The following PERP variants were observed in gnomAD, a reference collection of about 807,000 sequenced individuals.
PERP encodes the protein p53 apoptosis effector related to PMP22.
PERP carries 11 observed loss-of-function variants against 20.3 expected under a neutral mutation model. The observed-to-expected ratio is 0.54, with a 90% CI of 0.34 to 0.90. The LOEUF (loss-of-function observed/expected upper bound fraction) is 0.90. Ranked by LOEUF, PERP falls within the 40% of genes least tolerant of loss-of-function variation. The pLI, the probability that PERP is intolerant of heterozygous loss-of-function variation, is 0.02. For missense variants in PERP, 224 were observed against 249.4 expected (o/e 0.90, Z 0.69); for synonymous variants, 101 against 102.0 (o/e 0.99, Z 0.06).
chr6:138,102,475 C>G (rs756751482), intron 1 of PERP, among the ~76,000 whole-genome samples: 6 of 152,168 alleles, frequency 3.9e-5, no homozygotes, highest in African/African-American at 1.2e-4. Context: ...GAAGCTTAGT[C>G]AGGGGTGCTA....
intron 1 of PERP, 85 bp from the exon 2 acceptor site, chr6:138,096,579 G>C: frequency 7.0e-7 from 1 of 1,431,548 alleles, no homozygotes; most frequent in Non-Finnish European, 9.3e-7. Context: ...ATGGTTTTGG[G>C]CTTTTTTTCC....
chr6:138,102,055 C>G (rs773266590), intron 1 of PERP, among the ~76,000 whole-genome samples: 3 of 152,254 alleles, frequency 2.0e-5, no homozygotes, highest in African/African-American at 7.2e-5. Context: ...TAAAAAGACA[C>G]CATTCTGCAG....
rs898747777 is a variant in PERP, at chr6:138,107,097, G to GCGGCGA, written c.214+24_214+29dup. 13 of 1,573,044 alleles carry GCGGCGA rather than the reference G, an allele frequency of 8.3e-6. No homozygotes were observed. Among genetic ancestry groups the GCGGCGA allele is most frequent in the Non-Finnish European group, 1.1e-5 (13 of 1,160,956 alleles). The stretch of plus-strand genomic sequence containing the variant: ...CCGCGGCCCCGAGGGCTTCCTGGAG[G>GCGGCGA]CGGCGACGGCGGCGGCGGCGGGCAC... On this transcript the variant is annotated intron_variant, in intron 1 of 2. Transcript: ENST00000421351. The surrounding 1 kb of genome is among the most constrained non-coding windows in gnomAD (Gnocchi z 4.8).
chr6:138,103,964 G>A (rs915380022), intron 1 of PERP, among the ~76,000 whole-genome samples: 8 of 152,196 alleles, frequency 5.3e-5, no homozygotes, highest in African/African-American at 7.2e-5. Context: ...ACAAAAAACC[G>A]GAGGCTTTGT....
intron 1 of PERP, 28 bp from the exon 2 acceptor site, chr6:138,096,522 A>G: frequency 6.3e-7 from 1 of 1,588,950 alleles, no homozygotes; most frequent in Non-Finnish European, 8.6e-7. Flanking sequence ...ACAGCAATTA[A>G]CAAGACAGAC....
At chr6:138,093,828 T>C (rs1053881428) in intron 2 of PERP, among the ~76,000 whole-genome samples, 1 of 152,224 alleles carries the variant, frequency 6.6e-6, no homozygotes, top group Non-Finnish European at 1.5e-5. Flanking sequence ...ATAGGCCTTA[T>C]TCAGCATTAC....
Position 138,090,377 on chromosome 6 carries a change from A to G in PERP, c.*1665T>C, listed in dbSNP as rs514552. Reference sequence around the variant, plus strand: ...AATAACAAATGATAAAATGGGAAGGAGGGCAAGGGGAAAATAGAGAGACTG... The same window carrying G: ...AATAACAAATGATAAAATGGGAAGGGGGGCAAGGGGAAAATAGAGAGACTG... On this transcript the variant is annotated 3_prime_UTR_variant, in exon 3 of 3. Coordinates refer to ENST00000421351, the MANE Select transcript of PERP (RefSeq NM_022121.5). 0.54 allele frequency: 81,790 copies of G among 151,870 alleles called. 22,649 individuals are homozygous for G. The highest frequency in any genetic ancestry group is 0.87 in the East Asian group (4,474 of 5,156). The allele number at this position is 151,870 out of a possible 1,614,324, so 9.4% of individuals were successfully genotyped here.
At chr6:138,095,781 G>A (rs1029915442) in intron 2 of PERP, among the ~76,000 whole-genome samples, 7 of 152,188 alleles carry the variant, frequency 4.6e-5, no homozygotes, top group East Asian at 1.9e-4. Flanking sequence ...TTCACACTGG[G>A]CCCTGCACAC....
intron 1 of PERP, among the ~76,000 whole-genome samples, chr6:138,101,324 T>G (rs912600641): frequency 1.3e-5 from 2 of 152,108 alleles, no homozygotes; most frequent in Admixed American, 6.5e-5. Flanking sequence ...GAGCCAAGAT[T>G]GCGCCACTGC....
chr6:138,106,755 C>A (rs1000708843), intron 1 of PERP, among the ~76,000 whole-genome samples: 12 of 151,864 alleles, frequency 7.9e-5, no homozygotes, highest in Admixed American at 6.6e-5. Flanking sequence ...TAAGAAGAAA[C>A]GAGAAGGAAG....
intron 1 of PERP, among the ~76,000 whole-genome samples, chr6:138,098,080 C>T (rs1775723572): frequency 6.6e-6 from 1 of 152,136 alleles, no homozygotes; most frequent in Admixed American, 6.5e-5. Context: ...ATCAATACTT[C>T]ATTCTTTTTG....
chr6:138,093,774 A>T (rs1051688654), intron 2 of PERP, among the ~76,000 whole-genome samples: 3 of 152,174 alleles, frequency 2.0e-5, no homozygotes, highest in Non-Finnish European at 4.4e-5. Context: ...AATATATATA[A>T]AATTTAAAAT....
chr6:138,103,438 C>T (rs1036546279), intron 1 of PERP, among the ~76,000 whole-genome samples: 2 of 152,090 alleles, frequency 1.3e-5, no homozygotes, highest in African/African-American at 4.8e-5. Context: ...AGGCGTGAGC[C>T]ACCACACCCG....
chr6:138,101,568 A>T (rs1014059598), intron 1 of PERP, among the ~76,000 whole-genome samples: 7 of 152,180 alleles, frequency 4.6e-5, no homozygotes, highest in African/African-American at 1.7e-4. Context: ...CGACGCCCTT[A>T]TGACACTAAT....
chr6:138,104,258 T>A (rs530274914), intron 1 of PERP, among the ~76,000 whole-genome samples: 1 of 152,360 alleles, frequency 6.6e-6, no homozygotes, highest in African/African-American at 2.4e-5. Flanking sequence ...CATTAATCTA[T>A]AGATTTTCTT....
chr6:138,089,124 A>T lies in PERP; in HGVS notation c.*2918T>A, dbSNP rs544172752. ...TTTTACAGGTGAGGATATTGAGACCAGCAGGGAGATGACCTGCCCAAGCCT... is the reference window on the plus strand; with the variant it reads ...TTTTACAGGTGAGGATATTGAGACCTGCAGGGAGATGACCTGCCCAAGCCT... On this transcript the variant is annotated 3_prime_UTR_variant, in exon 3 of 3. Transcript: ENST00000421351. 1 of 152,230 alleles carries T rather than the reference A, an allele frequency of 6.6e-6. No homozygotes were observed. Among genetic ancestry groups the T allele is most frequent in the Non-Finnish European group, 1.5e-5 (1 of 68,046 alleles). The allele number at this position is 152,230 out of a possible 1,614,324, so 9.4% of individuals were successfully genotyped here.
Position 138,089,715 on chromosome 6 carries a change from T to C in PERP, c.*2327A>G, listed in dbSNP as rs1775546980. ...ACATAAAGGTATCTGTCTTGGTGAA[T>C]CTGGATCAACAAGGAATGGCAGATC... On this transcript the variant is annotated 3_prime_UTR_variant, in exon 3 of 3. Coordinates refer to ENST00000421351, the MANE Select transcript of PERP (RefSeq NM_022121.5). 1 of 152,170 alleles carries C rather than the reference T, an allele frequency of 6.6e-6. No individual in the cohort carries two copies. Among genetic ancestry groups the C allele is most frequent in the Non-Finnish European group, 1.5e-5 (1 of 68,030 alleles). The allele number at this position is 152,170 out of a possible 1,614,324, so 9.4% of individuals were successfully genotyped here. A position where few individuals can be genotyped will look rare whatever the true frequency, so the allele number is the denominator to read the frequency against.
intron 1 of PERP, among the ~76,000 whole-genome samples, chr6:138,097,371 CA>C (rs1775709317): frequency 6.6e-6 from 1 of 152,186 alleles, no homozygotes; most frequent in Non-Finnish European, 1.5e-5. Context: ...CCCCTTCACA[CA>C]CAACCTTTCC....
chr6:138,107,073 C>A lies in PERP; in HGVS notation c.214+54G>T. ...ATCACGCGCGGCGGCTTTTGCAGGC[C>A]GCGGCCCCGAGGGCTTCCTGGAGGC... On this transcript the variant is annotated intron_variant, in intron 1 of 2. Transcript: ENST00000421351. The surrounding 1 kb of genome is among the most constrained non-coding windows in gnomAD (Gnocchi z 4.8). The A allele has an allele frequency of 6.5e-7, 1 of 1,537,948 alleles. No homozygotes were observed.
Sources: gnomAD v4.1 joint callset for allele counts (sites outside exome capture counted in the v4.1 genomes callset) on GRCh38, gnomAD v4.1.1 for gene constraint, Gnocchi (gnomAD v3.1) non-coding constraint, MANE v1.5 for transcripts, NCBI Gene and HGNC (gene_info 2026-07-23, HGNC 2026-07-21) for gene names.